Variants in CDH8 observed in about 807,000 individuals in gnomAD.
CDH8 encodes the protein cadherin 8, also known as cadherin-8.
A neutral mutation model predicts 68.1 loss-of-function variants in CDH8; 17 were observed. That is an observed-to-expected ratio of 0.25 (90% confidence interval 0.17 to 0.37). The LOEUF is 0.37. Among genes scored for constraint, CDH8 ranks in the 10% least tolerant of loss-of-function variants. The pLI, the probability that CDH8 is intolerant of heterozygous loss-of-function variation, is 1.00. For synonymous variants in CDH8, 372 were observed against 365.1 expected (o/e 1.02, Z -0.21); for missense variants, 763 against 999.3 (o/e 0.76, Z 3.19).
intron 10 of CDH8, among the ~76,000 whole-genome samples, chr16:61,658,458 C>T (rs1450611733): frequency 2.6e-5 from 4 of 151,850 alleles, no homozygotes; most frequent in Non-Finnish European, 5.9e-5. Context: ...GTTTTCTATA[C>T]TAAAAATTGA....
rs745949180 is a variant in CDH8 at position 61,650,706 on chromosome 16, T to TGTGTGTGTGAGAGAGAGAGA, written c.*2901_*2902insTCTCTCTCTCTCACACACAC. The TGTGTGTGTGAGAGAGAGAGA allele has an allele frequency of 8.6e-6, 1 of 116,594 alleles. No individual in the cohort carries two copies. Among genetic ancestry groups the TGTGTGTGTGAGAGAGAGAGA allele is most frequent in the African/African-American group, 3.4e-5 (1 of 29,792 alleles). The allele number at this position is 116,594 out of a possible 1,614,324, so 7.2% of individuals were successfully genotyped here. ...GTGTGTGTGTGTGTGTGTGTGTGTG[T>TGTGTGTGTGAGAGAGAGAGA]GAGAGAGAGAGAGAGAGAGAGAGAG... On this transcript the variant is annotated 3_prime_UTR_variant, in exon 12 of 12. Transcript: ENST00000577390.
intron 2 of CDH8, among the ~76,000 whole-genome samples, chr16:61,920,213 A>T (rs1964335434): frequency 1.4e-5 from 2 of 139,378 alleles, no homozygotes; most frequent in South Asian, 2.5e-4. Flanking sequence ...CATGTCTAAA[A>T]CACCAAAAGC....
At chr16:61,861,332 C>T (rs1257028701) in intron 3 of CDH8, among the ~76,000 whole-genome samples, 5 of 152,160 alleles carry the variant, frequency 3.3e-5, no homozygotes, top group Non-Finnish European at 7.4e-5. Flanking sequence ...TATTCAGATT[C>T]GTTTGTAAAG....
At chr16:61,746,942 T>A (rs1211467371) in intron 8 of CDH8, among the ~76,000 whole-genome samples, 1 of 152,104 alleles carries the variant, frequency 6.6e-6, no homozygotes, top group East Asian at 1.9e-4. Flanking sequence ...ATTAGCAGAA[T>A]TCAAGATGAA....
At chr16:61,999,750 G>A (rs748980404) in intron 2 of CDH8, among the ~76,000 whole-genome samples, 3 of 151,800 alleles carry the variant, frequency 2.0e-5, no homozygotes, top group African/African-American at 2.4e-5. Flanking sequence ...ATGAAAAGAC[G>A]TGAGTTAAAT....
At position 62,013,261 on chromosome 16, in the gene CDH8, CAAAA is replaced by C. The variant is rs1165564723; in HGVS notation, c.252+7887_252+7890del. ...TGGGCGACAGAGCGAGACTCCGTCT[CAAAA>C]AAAAAAAAAAAAAAAAAAAAAAAAA... On this transcript the variant is annotated intron_variant, in intron 2 of 11. Coordinates refer to ENST00000577390, the MANE Select transcript of CDH8 (RefSeq NM_001796.5). Among the ~76,000 whole-genome samples, 8 of 6,402 alleles carry C rather than the reference CAAAA, an allele frequency of 1.2e-3. No individual in the cohort carries two copies. The East Asian group carries it at 0.062, about 50-fold the overall frequency. 4.2% of individuals were successfully genotyped at this position (6,402 alleles called of 152,430 possible). A position where few individuals can be genotyped will look rare whatever the true frequency, so the allele number is the denominator to read the frequency against.
At chr16:62,013,617 TTTA>T (rs1282834382) in intron 2 of CDH8, among the ~76,000 whole-genome samples, 4 of 152,216 alleles carry the variant, frequency 2.6e-5, no homozygotes, top group African/African-American at 9.7e-5. Flanking sequence ...GCCTTTGATA[TTTA>T]TTAAGTTGCA....
At chr16:61,739,898 TATATATATATATATGTA>T (rs1311097550) in intron 8 of CDH8, among the ~76,000 whole-genome samples, 1 of 92,268 alleles carries the variant, frequency 1.1e-5, no homozygotes. Flanking sequence ...TATATATATA[TATATATATATATATGTA>T]TTTTTTTTTT....
At chr16:61,978,824 A>G (rs549153786) in intron 2 of CDH8, among the ~76,000 whole-genome samples, 56 of 152,152 alleles carry the variant, frequency 3.7e-4, no homozygotes, top group Non-Finnish European at 7.2e-4. Flanking sequence ...GACAAGGGGA[A>G]ATTGCATTCC....
chr16:61,865,943 G>A (rs1963245217), intron 3 of CDH8, among the ~76,000 whole-genome samples: 1 of 152,164 alleles, frequency 6.6e-6, no homozygotes. Flanking sequence ...ACAGCAGGTA[G>A]AAATGTCATT....
chr16:61,691,481 G>A (rs1044528252), intron 10 of CDH8, among the ~76,000 whole-genome samples: 1 of 151,170 alleles, frequency 6.6e-6, no homozygotes, highest in African/African-American at 2.4e-5. Context: ...TCTTCATTGT[G>A]CCTCTGTCAC....
chr16:61,996,720 A>G (rs1965809850), intron 2 of CDH8, among the ~76,000 whole-genome samples: 1 of 152,142 alleles, frequency 6.6e-6, no homozygotes, highest in Non-Finnish European at 1.5e-5. Context: ...TACATCTCTG[A>G]TTAGGTCTAC....
intron 8 of CDH8, among the ~76,000 whole-genome samples, chr16:61,746,976 G>T (rs542712877): frequency 1.3e-5 from 2 of 152,204 alleles, no homozygotes; most frequent in East Asian, 3.9e-4. Context: ...TGGCTGAAAT[G>T]ATTATAGTAC....
intron 2 of CDH8, among the ~76,000 whole-genome samples, chr16:61,991,098 C>T (rs954995680): frequency 1.3e-5 from 2 of 152,202 alleles, no homozygotes; most frequent in Non-Finnish European, 2.9e-5. Flanking sequence ...ACCTCTGTGA[C>T]TCCAATATCT....
chr16:61,854,624 A>G (rs1008662000), intron 4 of CDH8, among the ~76,000 whole-genome samples: 1 of 152,020 alleles, frequency 6.6e-6, no homozygotes, highest in Non-Finnish European at 1.5e-5. Flanking sequence ...CAACTAATAC[A>G]CATCTTTTGT....
chr16:61,723,208 A>T (rs1486370643), intron 9 of CDH8, among the ~76,000 whole-genome samples: 2 of 150,790 alleles, frequency 1.3e-5, no homozygotes, highest in Non-Finnish European at 3.0e-5. Flanking sequence ...AGGAGGTAAG[A>T]GTTAGAACAC....
At chr16:61,884,261 C>T (rs910162837) in intron 3 of CDH8, among the ~76,000 whole-genome samples, 16 of 152,156 alleles carry the variant, frequency 1.1e-4, no homozygotes, top group African/African-American at 3.6e-4. Context: ...AGACCAACTC[C>T]TTCTCTTCCT....
At chr16:61,747,023 CTA>C (rs1960040873) in intron 8 of CDH8, among the ~76,000 whole-genome samples, 1 of 152,032 alleles carries the variant, frequency 6.6e-6, no homozygotes, top group South Asian at 2.1e-4. Context: ...TAAAAATAAA[CTA>C]GATGTTGTTG....
At chr16:61,880,108 T>C (rs573883076) in intron 3 of CDH8, among the ~76,000 whole-genome samples, 224 of 152,200 alleles carry the variant, frequency 1.5e-3, no homozygotes, top group African/African-American at 5.2e-3. Context: ...GTATTTTTAG[T>C]AGAGACAGGG....
Sources: allele counts gnomAD v4.1 joint callset (sites outside exome capture counted in the v4.1 genomes callset), GRCh38; gene constraint gnomAD v4.1.1; transcripts MANE v1.5; gene names NCBI Gene and HGNC (gene_info 2026-07-23, HGNC 2026-07-21).